MMP16: variants seen among roughly 807,000 people sequenced by gnomAD.
MMP16 encodes the protein matrix metalloproteinase-16.
Under a neutral mutation model 67.8 loss-of-function variants are expected in MMP16, and 12 were observed. That is an observed-to-expected ratio of 0.18 (90% CI 0.11 to 0.29). The LOEUF is 0.29. MMP16 is among the 10% of genes least tolerant of loss of function. The pLI is 1.00. For synonymous variants in MMP16, 249 were observed against 255.9 expected (o/e 0.97, Z 0.26); for missense variants, 475 against 765.7 (o/e 0.62, Z 4.48).
chr8:88,140,356 C>G (rs1264147854), intron 4 of MMP16, among the ~76,000 whole-genome samples: 1 of 152,106 alleles, frequency 6.6e-6, no homozygotes, highest in African/African-American at 2.4e-5. Context: ...GAAACTATAT[C>G]CTTTTTATGA....
intron 1 of MMP16, among the ~76,000 whole-genome samples, chr8:88,317,367 C>A (rs538648818): frequency 9.2e-5 from 14 of 152,154 alleles, no homozygotes; most frequent in Non-Finnish European, 2.1e-4. Context: ...AAGGCAACAC[C>A]CTCCAGCCAC....
chr8:88,053,912 A>G (rs1369920804), intron 8 of MMP16, among the ~76,000 whole-genome samples: 1 of 152,110 alleles, frequency 6.6e-6, no homozygotes, highest in African/African-American at 2.4e-5. Flanking sequence ...GCATTTCTAT[A>G]TATTTTCTAT....
chr8:88,138,168 T>A (rs1006920082), intron 4 of MMP16, among the ~76,000 whole-genome samples: 1 of 151,926 alleles, frequency 6.6e-6, no homozygotes, highest in Non-Finnish European at 1.5e-5. Flanking sequence ...TGCATACATA[T>A]TGGGGAGAAG....
intron 1 of MMP16, among the ~76,000 whole-genome samples, chr8:88,273,891 A>G (rs991463621): frequency 6.6e-6 from 1 of 152,186 alleles, no homozygotes; most frequent in Non-Finnish European, 1.5e-5. Context: ...TCCTGATAAC[A>G]TAACAGGAGG....
chr8:88,036,476 T>C lies in MMP16; in HGVS notation c.*4985A>G, dbSNP rs1032219365. On this transcript the variant is annotated 3_prime_UTR_variant, in exon 10 of 10. Coordinates refer to ENST00000286614, the MANE Select transcript of MMP16 (RefSeq NM_005941.5). The stretch of plus-strand genomic sequence containing the variant: ...TATTTGTTGCGTTGCTATTCCTGGT[T>C]GCCGCTTTATTTATTACATAAAATT... The C allele has an allele frequency of 6.6e-6, 1 of 151,892 alleles. No homozygotes were observed. The highest frequency in any genetic ancestry group is 6.6e-5 in the Admixed American group (1 of 15,214). The allele number at this position is 151,892 out of a possible 1,614,324, so 9.4% of individuals were successfully genotyped here. A position where few individuals can be genotyped will look rare whatever the true frequency, so the allele number is the denominator to read the frequency against.
chr8:88,226,951 G>A (rs866444170), intron 1 of MMP16, among the ~76,000 whole-genome samples: 3 of 151,604 alleles, frequency 2.0e-5, no homozygotes, highest in Admixed American at 6.6e-5. Context: ...TTAAGAACAC[G>A]AAAACAATAA....
intron 1 of MMP16, among the ~76,000 whole-genome samples, chr8:88,200,517 A>C (rs1809326828): frequency 6.6e-6 from 1 of 152,048 alleles, no homozygotes; most frequent in Admixed American, 6.5e-5. Context: ...ACCAATTTCC[A>C]GCACTTAGTG....
chr8:88,218,221 G>A (rs950173649), intron 1 of MMP16, among the ~76,000 whole-genome samples: 2 of 151,916 alleles, frequency 1.3e-5, no homozygotes, highest in Admixed American at 6.6e-5. Flanking sequence ...TTAAAGTACA[G>A]TAGTGGGAAA....
At chr8:88,266,824 T>C (rs2129963056) in intron 1 of MMP16, among the ~76,000 whole-genome samples, 1 of 152,332 alleles carries the variant, frequency 6.6e-6, no homozygotes, top group East Asian at 1.9e-4. Context: ...AATTTTATCT[T>C]TGGATTTCAA....
chr8:88,167,570 A>G (rs1397667580), intron 4 of MMP16, 99 bp downstream of exon 4: 2 of 1,204,576 alleles, frequency 1.7e-6, no homozygotes, highest in East Asian at 5.1e-5. Flanking sequence ...TTAAAAGTAA[A>G]TTTAGGATCT....
At chr8:88,186,294 C>T in intron 3 of MMP16, 182 bp downstream of exon 3, 1 of 615,738 alleles carries the variant, frequency 1.6e-6, no homozygotes, top group East Asian at 2.8e-5. Flanking sequence ...CTCAGAGTGT[C>T]TACATAGGGT....
At chr8:88,262,232 A>C (rs944027388) in intron 1 of MMP16, among the ~76,000 whole-genome samples, 6 of 152,246 alleles carry the variant, frequency 3.9e-5, no homozygotes, top group African/African-American at 1.4e-4. Flanking sequence ...AAGTGTGGGC[A>C]CAGGAAATTT....
chr8:88,091,053 A>G (rs1427115702), intron 6 of MMP16, among the ~76,000 whole-genome samples: 2 of 151,778 alleles, frequency 1.3e-5, no homozygotes, highest in Admixed American at 1.3e-4. Context: ...AGTGAACGTT[A>G]TCTTCATAGC....
intron 1 of MMP16, among the ~76,000 whole-genome samples, chr8:88,261,976 T>G (rs1042946074): frequency 6.6e-6 from 1 of 152,130 alleles, no homozygotes; most frequent in African/African-American, 2.4e-5. Flanking sequence ...TTAGGTAGAA[T>G]GTTAAGTAAG....
chr8:88,258,289 TA>T (rs1023710767), intron 1 of MMP16, among the ~76,000 whole-genome samples: 1 of 152,158 alleles, frequency 6.6e-6, no homozygotes, highest in Non-Finnish European at 1.5e-5. Context: ...GAAAGATGAT[TA>T]AAATGCACCT....
chr8:88,106,582 A>G (rs1809245034), intron 6 of MMP16, among the ~76,000 whole-genome samples: 1 of 151,280 alleles, frequency 6.6e-6, no homozygotes, highest in African/African-American at 2.4e-5. Flanking sequence ...GTATACTCAC[A>G]TTAACAGAAT....
rs180736090 is a variant in MMP16 at position 88,061,178 on chromosome 8, T to C, written c.1223-4900A>G. ...CACACACACACACACACACCCCTCA[T>C]CCTAAAGGCCCAGATCACTTCCTTG... On this transcript the variant is annotated intron_variant, in intron 7 of 9. Coordinates refer to ENST00000286614, the MANE Select transcript of MMP16 (RefSeq NM_005941.5). 2.3e-3 allele frequency among the ~76,000 whole-genome samples: 329 copies of C among 144,650 alleles called. 2 individuals carry two copies. Among genetic ancestry groups the C allele is most frequent in the Non-Finnish European group, 3.7e-3 (245 of 66,148 alleles). 94.9% of individuals were successfully genotyped at this position (144,650 alleles called of 152,430 possible).
At chr8:88,088,084 A>ATATATAATAGATATCTATATATC (rs55979111) in intron 6 of MMP16, among the ~76,000 whole-genome samples, 78,218 of 113,008 alleles carry the variant, frequency 0.69, 23,592 homozygotes, top group Middle Eastern at 0.75. Flanking sequence ...CTATATATCT[A>ATATATAATAGATATCTATATATC]TATATAATAG....
At chr8:88,226,736 C>T (rs995479946) in intron 1 of MMP16, among the ~76,000 whole-genome samples, 2 of 151,922 alleles carry the variant, frequency 1.3e-5, no homozygotes, top group Non-Finnish European at 2.9e-5. Flanking sequence ...AAGGCATGTC[C>T]GAGAGTGCTG....
Sources: allele counts gnomAD v4.1 joint callset (sites outside exome capture counted in the v4.1 genomes callset), GRCh38; gene constraint gnomAD v4.1.1; transcripts MANE v1.5; gene names NCBI Gene and HGNC (gene_info 2026-07-23, HGNC 2026-07-21).